MIDN: variants seen among roughly 807,000 people sequenced by gnomAD.
MIDN encodes the protein midbrain nucleolar protein.
In MIDN, 26 loss-of-function variants were observed where a neutral mutation model predicts 46.1. The observed-to-expected ratio is 0.56, with a 90% CI of 0.41 to 0.78. MIDN has a LOEUF of 0.78. Among genes scored for constraint, MIDN ranks in the 30% least tolerant of loss-of-function variants. MIDN has a pLI of 0.00. For missense variants in MIDN, 850 were observed against 771.8 expected (o/e 1.10, Z -1.20); for synonymous variants, 432 against 343.3 (o/e 1.26, Z -2.86).
intron 8 of MIDN, among the ~76,000 whole-genome samples, chr19:1,256,542 C>T (rs569830742): frequency 1.7e-4 from 26 of 151,430 alleles, no homozygotes; most frequent in Non-Finnish European, 2.9e-4. Flanking sequence ...ATCACAGAAG[C>T]GGCCAAGCCC....
chr19:1,253,431 C>T (rs1051556503), intron 4 of MIDN, among the ~76,000 whole-genome samples: 2 of 150,452 alleles, frequency 1.3e-5, no homozygotes, highest in Non-Finnish European at 2.9e-5. Flanking sequence ...ACCCCCCCCC[C>T]CATCCCGGCC....
intron 8 of MIDN, among the ~76,000 whole-genome samples, chr19:1,256,292 G>C (rs2081198250): frequency 6.6e-6 from 1 of 152,186 alleles, no homozygotes; most frequent in Non-Finnish European, 1.5e-5. Context: ...GACCATCTTG[G>C]CTAACATGGT....
intron 8 of MIDN, among the ~76,000 whole-genome samples, chr19:1,255,895 G>T (rs564648482): frequency 1.3e-5 from 2 of 152,210 alleles, no homozygotes; most frequent in African/African-American, 2.4e-5. Flanking sequence ...GTGTGCTCCC[G>T]GGGGGCCACA....
intron 1 of MIDN, among the ~76,000 whole-genome samples, chr19:1,249,385 C>T (rs967187133): frequency 5.8e-4 from 88 of 150,562 alleles, no homozygotes; most frequent in Non-Finnish European, 1.1e-3. Context: ...CTCCCGCTTC[C>T]GCTCGCGGCT....
intron 1 of MIDN, among the ~76,000 whole-genome samples, 178 bp from the exon 2 acceptor site, chr19:1,249,711 TG>T (rs1333479097): frequency 1.3e-5 from 2 of 148,292 alleles, no homozygotes; most frequent in South Asian, 2.1e-4. Flanking sequence ...GGCTGCCACG[TG>T]GGGCGGTGCC....
intron 8 of MIDN, among the ~76,000 whole-genome samples, chr19:1,256,233 C>T (rs779350038): frequency 1.3e-5 from 2 of 152,222 alleles, no homozygotes; most frequent in Non-Finnish European, 2.9e-5. Flanking sequence ...CCTGTAATCC[C>T]AGCACTTTGG....
At position 1,254,311 on chromosome 19, in the gene MIDN, G is replaced by A. The variant is rs1375729783; in HGVS notation, c.658G>A (p.Ala220Thr). The A allele has an allele frequency of 1.3e-6, 2 of 1,568,894 alleles. No homozygotes were observed. Among genetic ancestry groups the A allele is most frequent in the African/African-American group, 1.4e-5 (1 of 73,672 alleles). ...GCTGGCCGCTGCGGCCGCCGCCGCT[G>A]CTGCGCGGGGGGACCCCAGCATAGC... ...HVLAAAAAAA[A>T]ARGDPSIASP... Residue 220 changes from alanine (A) to threonine (T), a missense_variant, in exon 6 of 9, where the codon GCT becomes ACT. Ala to Thr is a moderately conservative substitution (Grantham distance 58). Transcript: ENST00000682408.
At position 1,257,179 on chromosome 19, in the gene MIDN, C is replaced by T. The variant is rs142157539; in HGVS notation, c.1443C>T (p.Pro481=). Residue 481 remains proline (P), a synonymous_variant, in exon 9 of 9, where the codon CCC becomes CCT. Coordinates refer to ENST00000682408, the MANE Select transcript of MIDN (RefSeq NM_001388306.1). ...DSSSSGGGGS[P]SEASGLGLDF... is the part of the protein sequence containing the mutation. ...GTAGCAGCGGGGGCGGCGGCAGCCC[C>T]AGCGAGGCCTCCGGCTTGGGCCTCG... is the stretch of plus-strand genomic sequence containing the variant. The T allele has an allele frequency of 2.5e-6, 4 of 1,611,776 alleles. No homozygotes were observed. The highest frequency in any genetic ancestry group is 3.4e-6 in the Non-Finnish European group (4 of 1,179,454).
Position 1,250,509 on chromosome 19 carries a change from G to A in MIDN, c.213G>A (p.Leu71=). The A allele has an allele frequency of 7.5e-7, 1 of 1,326,212 alleles. No homozygotes were observed. The highest frequency in any genetic ancestry group is 9.9e-7 in the Non-Finnish European group (1 of 1,013,970). The allele number at this position is 1,326,212 out of a possible 1,614,324, so 82.2% of individuals were successfully genotyped here. Reference sequence around the variant, plus strand: ...GCCTCAAAGTGCCCAAGGAGCGCCTGGCTCTTCTCCACAAAGACACGTAGG... The same window carrying A: ...GCCTCAAAGTGCCCAAGGAGCGCCTAGCTCTTCTCCACAAAGACACGTAGG... ...SQRLKVPKER[L]ALLHKDTRLS... is the part of the protein sequence containing the mutation. Residue 71 remains leucine, a synonymous_variant, in exon 2 of 9, where the codon CTG becomes CTA. Coordinates refer to ENST00000682408, the MANE Select transcript of MIDN (RefSeq NM_001388306.1).
rs112607380 is a variant in MIDN at position 1,254,379 on chromosome 19, C to A, written c.726C>A (p.Ala242=). ...CCTGCCGGCCGGTGTCCAGTGCCGCCCGAGTCCCCCCGGTGCCCACCAGCC... is the reference window on the plus strand; with the variant it reads ...CCTGCCGGCCGGTGTCCAGTGCCGCACGAGTCCCCCCGGTGCCCACCAGCC... ...SSPCRPVSSA[A]RVPPVPTSPS... Residue 242 remains alanine (A), a synonymous_variant, in exon 6 of 9, where the codon GCC becomes GCA. Transcript: ENST00000682408. 6.4e-7 allele frequency: 1 copy of A among 1,560,668 alleles called. No homozygotes were observed. Among genetic ancestry groups the A allele is most frequent in the Non-Finnish European group, 8.6e-7 (1 of 1,160,032 alleles).
At chr19:1,249,506 G>A (rs891125187) in intron 1 of MIDN, among the ~76,000 whole-genome samples, 3 of 149,716 alleles carry the variant, frequency 2.0e-5, no homozygotes, top group Non-Finnish European at 4.5e-5. Flanking sequence ...GGATCGCGAG[G>A]GGTACCAGAC....
Position 1,255,639 on chromosome 19 carries a change from C to G in MIDN, c.1203C>G (p.Ala401=). ...RTTSCEKLTA[A]PSASLLQGQS... ...CCTCCTGCGAGAAGCTCACGGCTGC[C>G]CCCTCAGCCTCCCTGCTGCAGGGCC... Residue 401 remains alanine (A), a synonymous_variant, in exon 8 of 9, where the codon GCC becomes GCG. Coordinates refer to ENST00000682408, the MANE Select transcript of MIDN (RefSeq NM_001388306.1). 6.2e-7 allele frequency: 1 copy of G among 1,604,732 alleles called. No homozygotes were observed. Among genetic ancestry groups the G allele is most frequent in the Non-Finnish European group, 8.5e-7 (1 of 1,178,520 alleles).
chr19:1,255,201 G>C (rs1316065516), intron 7 of MIDN, 140 bp downstream of exon 7: 30 of 1,193,876 alleles, frequency 2.5e-5, no homozygotes, highest in Non-Finnish European at 3.5e-5. Flanking sequence ...ATGTCCCCCA[G>C]GAATCCCCCA....
Position 1,258,243 on chromosome 19 carries a change from T to G in MIDN, c.*971T>G, listed in dbSNP as rs2145502760. The stretch of plus-strand genomic sequence containing the variant: ...GGGAGTTCCCCCCTCCGAGCCCTCC[T>G]TCCCGGCCCAACCTGAGGGATGTGG... On this transcript the variant is annotated 3_prime_UTR_variant, in exon 9 of 9. Coordinates refer to ENST00000682408, the MANE Select transcript of MIDN (RefSeq NM_001388306.1). 6.5e-6 allele frequency: 1 copy of G among 152,738 alleles called. No homozygotes were observed. The highest frequency in any genetic ancestry group is 6.5e-5 in the Admixed American group (1 of 15,310). The allele number at this position is 152,738 out of a possible 1,614,324, so 9.5% of individuals were successfully genotyped here.
intron 2 of MIDN, among the ~76,000 whole-genome samples, chr19:1,251,032 C>T (rs1421609252): frequency 6.6e-6 from 1 of 151,602 alleles, no homozygotes; most frequent in Non-Finnish European, 1.5e-5. Flanking sequence ...CACGCAGTGT[C>T]CATCCCAGTG....
intron 7 of MIDN, 133 bp downstream of exon 7, chr19:1,255,194 TC>T: frequency 8.3e-7 from 1 of 1,210,148 alleles, no homozygotes; most frequent in Non-Finnish European, 1.1e-6. Flanking sequence ...ACTTCACATG[TC>T]CCCCAGGAAT....
chr19:1,250,598 G>C (rs2081113566), intron 2 of MIDN, 69 bp downstream of exon 2: 1 of 888,100 alleles, frequency 1.1e-6, no homozygotes, highest in African/African-American at 1.8e-5. Flanking sequence ...CAAAGAGCGC[G>C]CCGCGCGGGG....
At chr19:1,249,513 A>T (rs1186826378) in intron 1 of MIDN, among the ~76,000 whole-genome samples, 2 of 148,746 alleles carry the variant, frequency 1.3e-5, no homozygotes, top group Non-Finnish European at 3.0e-5. Context: ...GAGGGGTACC[A>T]GACCCGTCTC....
intron 7 of MIDN, 74 bp downstream of exon 7, chr19:1,255,135 C>G (rs1404797443): frequency 6.7e-7 from 1 of 1,500,018 alleles, no homozygotes; most frequent in African/African-American, 1.4e-5. Flanking sequence ...CATCCACCCA[C>G]AGGCGACTCC....
Sources: allele counts gnomAD v4.1 joint callset (sites outside exome capture counted in the v4.1 genomes callset), GRCh38; gene constraint gnomAD v4.1.1; transcripts MANE v1.5; gene names NCBI Gene and HGNC (gene_info 2026-07-23, HGNC 2026-07-21).